Variants in SAP130 observed in about 807,000 individuals in gnomAD.
The protein encoded by SAP130 is Sin3A associated protein 130.
SAP130 carries 16 observed loss-of-function variants against 103.2 expected under a neutral mutation model. The ratio of observed to expected loss-of-function variants is 0.16; its 90% confidence interval spans 0.10 to 0.24. The LOEUF is 0.24. Among genes scored for constraint, SAP130 ranks in the 10% least tolerant of loss-of-function variants. SAP130 has a pLI of 1.00. For missense variants in SAP130, 990 were observed against 1,359.7 expected (o/e 0.73, Z 4.28); for synonymous variants, 477 against 497.0 (o/e 0.96, Z 0.53).
chr2:128,006,065 G>C (rs192230974), intron 7 of SAP130, among the ~76,000 whole-genome samples: 2 of 150,264 alleles, frequency 1.3e-5, no homozygotes, highest in Admixed American at 1.3e-4. Flanking sequence ...AAGGCAAAAA[G>C]ACTAAGGCCT....
intron 15 of SAP130, among the ~76,000 whole-genome samples, chr2:127,973,088 T>C (rs1303005207): frequency 6.6e-6 from 1 of 152,174 alleles, no homozygotes; most frequent in Non-Finnish European, 1.5e-5. Context: ...TGCTATGTCC[T>C]CAAGCCTGGT....
intron 10 of SAP130, among the ~76,000 whole-genome samples, chr2:127,997,832 G>A (rs988124746): frequency 1.3e-5 from 2 of 152,196 alleles, no homozygotes. Flanking sequence ...AAGCCATAAA[G>A]GCTGGATGCA....
chr2:127,964,746 C>T (rs1385857666), intron 15 of SAP130, among the ~76,000 whole-genome samples: 1 of 152,208 alleles, frequency 6.6e-6, no homozygotes, highest in East Asian at 1.9e-4. Context: ...GCCTGTAATG[C>T]CAACACTTTG....
chr2:127,944,650 A>G (rs2104847744), intron 19 of SAP130, among the ~76,000 whole-genome samples: 1 of 151,700 alleles, frequency 6.6e-6, no homozygotes, highest in South Asian at 2.1e-4. Context: ...ATGGTCTCGA[A>G]CTCCTGACCT....
At chr2:128,013,568 T>G (rs1684553114) in intron 5 of SAP130, among the ~76,000 whole-genome samples, 1 of 152,168 alleles carries the variant, frequency 6.6e-6, no homozygotes, top group Non-Finnish European at 1.5e-5. Flanking sequence ...CCTGCACTTT[T>G]CACCCTGCAG....
intron 13 of SAP130, among the ~76,000 whole-genome samples, chr2:127,988,592 G>A (rs1573752875): frequency 6.6e-6 from 1 of 151,918 alleles, no homozygotes; most frequent in Non-Finnish European, 1.5e-5. Context: ...ACTCATGCTT[G>A]TAATCCCAGC....
At chr2:128,012,303 C>G (rs754453277) in intron 6 of SAP130, among the ~76,000 whole-genome samples, 15 of 152,064 alleles carry the variant, frequency 9.9e-5, no homozygotes, top group Non-Finnish European at 1.6e-4. Flanking sequence ...AATCCTGTCT[C>G]TACTAAAAGT....
rs1168690456 is a variant in SAP130 at position 127,986,450 on chromosome 2, TTAAGG to T, written c.1958+330_1958+334del. On this transcript the variant is annotated intron_variant, in intron 14 of 20. Coordinates refer to ENST00000643581, the MANE Select transcript of SAP130 (RefSeq NM_001330301.2). The surrounding 1 kb of genome is among the most constrained non-coding windows in gnomAD (Gnocchi z 4.7). ...TGCTGAATGAAGTTTATAGTATGAG[TTAAGG>T]TAACTACCTACACAAGCCCAAGAGT... Among the ~76,000 whole-genome samples, 2 of 151,628 alleles carry T rather than the reference TTAAGG, an allele frequency of 1.3e-5. No homozygotes were observed. The highest frequency in any genetic ancestry group is 4.8e-5 in the African/African-American group (2 of 41,330).
intron 5 of SAP130, among the ~76,000 whole-genome samples, chr2:128,014,386 T>G (rs1042570092): frequency 1.3e-5 from 2 of 149,784 alleles, no homozygotes; most frequent in African/African-American, 5.0e-5. Flanking sequence ...CTGAGTGCCA[T>G]CCTCCTATCT....
rs368062023 is a variant in SAP130, at chr2:127,999,723, A to C, written c.1213+18T>G. 2.8e-6 allele frequency: 4 copies of C among 1,449,338 alleles called. No homozygotes were observed. Among genetic ancestry groups the C allele is most frequent in the East Asian group, 2.3e-5 (1 of 43,478 alleles). 89.8% of individuals were successfully genotyped at this position (1,449,338 alleles called of 1,614,324 possible). On this transcript the variant is annotated intron_variant, in intron 10 of 20. Coordinates refer to ENST00000643581, the MANE Select transcript of SAP130 (RefSeq NM_001330301.2). ...GCACTCCTGGTAAGCTTCTGTCCGA[A>C]GGCAGCAGGCCACTTACCGACTGGG...
intron 5 of SAP130, among the ~76,000 whole-genome samples, chr2:128,014,437 T>C (rs1684624940): frequency 6.6e-6 from 1 of 151,144 alleles, no homozygotes; most frequent in Non-Finnish European, 1.5e-5. Context: ...GCCTCCTGAG[T>C]GCCATCCTCC....
At chr2:127,995,863 C>T (rs1573775943) in intron 11 of SAP130, among the ~76,000 whole-genome samples, 1 of 152,192 alleles carries the variant, frequency 6.6e-6, no homozygotes, top group South Asian at 2.1e-4. Context: ...GAACACACTG[C>T]TTACCTGGTA....
chr2:127,983,835 T>G (rs922165071), intron 14 of SAP130, among the ~76,000 whole-genome samples: 3 of 128,182 alleles, frequency 2.3e-5, no homozygotes, highest in Non-Finnish European at 4.9e-5. Flanking sequence ...TTTTTTTTTT[T>G]TTTTTTTTTT....
intron 7 of SAP130, among the ~76,000 whole-genome samples, chr2:128,008,351 G>A (rs1684118884): frequency 6.6e-6 from 1 of 151,860 alleles, no homozygotes; most frequent in Non-Finnish European, 1.5e-5. Flanking sequence ...TCCCTGTATG[G>A]CTCTACAAAT....
At chr2:127,993,103 C>G in intron 12 of SAP130, 84 bp downstream of exon 12, 1 of 1,492,320 alleles carries the variant, frequency 6.7e-7, no homozygotes, top group South Asian at 1.2e-5. Flanking sequence ...TAATCTCATA[C>G]AAAAAATAAC....
At chr2:127,998,949 A>T (rs1468952444) in intron 10 of SAP130, among the ~76,000 whole-genome samples, 1 of 152,372 alleles carries the variant, frequency 6.6e-6, no homozygotes, top group Middle Eastern at 3.4e-3. Flanking sequence ...CTGAGATGGC[A>T]ATATGGACAA....
At chr2:127,964,092 G>GT (rs1680462252) in intron 15 of SAP130, among the ~76,000 whole-genome samples, 1 of 152,220 alleles carries the variant, frequency 6.6e-6, no homozygotes, top group Admixed American at 6.5e-5. Flanking sequence ...CTACTCAGGA[G>GT]CCTGAGGCAG....
At chr2:127,984,771 T>C (rs2438027) in intron 14 of SAP130, among the ~76,000 whole-genome samples, 59,877 of 152,068 alleles carry the variant, frequency 0.39, 14,355 homozygotes, top group Non-Finnish European at 0.52. Context: ...ATGACCTCTA[T>C]AGTGCTGGGT....
rs140792553 is a variant in SAP130, at chr2:128,022,545, T to C, written c.112+3636A>G. Reference sequence around the variant, plus strand: ...TTATAAGATATTGCCAAATTGTTTCTTGAAGTGGCTAGCCATTTTGCATTC... The same window carrying C: ...TTATAAGATATTGCCAAATTGTTTCCTGAAGTGGCTAGCCATTTTGCATTC... On this transcript the variant is annotated intron_variant, in intron 2 of 20. Transcript: ENST00000643581. Among the ~76,000 whole-genome samples the C allele has an allele frequency of 6.8e-4, 103 of 152,330 alleles. No individual in the cohort carries two copies. The East Asian group carries it at 0.018, about 27-fold the overall frequency.
Sources: gnomAD v4.1 joint callset for allele counts (sites outside exome capture counted in the v4.1 genomes callset) on GRCh38, gnomAD v4.1.1 for gene constraint, Gnocchi (gnomAD v3.1) non-coding constraint, MANE v1.5 for transcripts, NCBI Gene and HGNC (gene_info 2026-07-23, HGNC 2026-07-21) for gene names.